Variants in GLCE observed in about 807,000 individuals in gnomAD.
GLCE encodes the protein glucuronic acid epimerase, also known as D-glucuronyl C5-epimerase.
GLCE carries 19 observed loss-of-function variants against 47.9 expected under a neutral mutation model. The ratio of observed to expected loss-of-function variants is 0.40; its 90% CI spans 0.28 to 0.58. GLCE has a LOEUF of 0.58. Ranked by LOEUF, GLCE falls within the 20% of genes least tolerant of loss-of-function variation. The probability of loss-of-function intolerance (pLI) is 0.48; values close to 1 mark genes in which losing one functional copy is unlikely to be tolerated. For missense variants in GLCE, 556 were observed against 743.3 expected, an observed-to-expected ratio of 0.75 and a Z score of 2.93; for synonymous variants, 245 against 263.4, an observed-to-expected ratio of 0.93 and a Z score of 0.68.
At chr15:69,263,081 G>A (rs1054361814) in intron 4 of GLCE, among the ~76,000 whole-genome samples, 4 of 151,978 alleles carry the variant, frequency 2.6e-5, no homozygotes, top group Admixed American at 6.6e-5. Flanking sequence ...TTCCACTTGT[G>A]GCATCATGTT....
chr15:69,255,148 G>C (rs1229162675), intron 2 of GLCE, among the ~76,000 whole-genome samples: 1 of 152,200 alleles, frequency 6.6e-6, no homozygotes, highest in South Asian at 2.1e-4. Context: ...GGATGTTGGT[G>C]TTTACCTTGA....
At chr15:69,194,981 T>C (rs1458308286) in intron 1 of GLCE, among the ~76,000 whole-genome samples, 2 of 152,152 alleles carry the variant, frequency 1.3e-5, no homozygotes, top group Non-Finnish European at 2.9e-5. Context: ...AATAGTGAAC[T>C]TGGATTCAAA....
At chr15:69,227,240 C>T (rs2052462638) in intron 2 of GLCE, among the ~76,000 whole-genome samples, 1 of 152,138 alleles carries the variant, frequency 6.6e-6, no homozygotes. Context: ...ATATTTGTTA[C>T]AGCCCCAGGC....
chr15:69,241,150 G>T (rs1311182899), intron 2 of GLCE, among the ~76,000 whole-genome samples: 1 of 152,166 alleles, frequency 6.6e-6, no homozygotes, highest in Non-Finnish European at 1.5e-5. Context: ...CACAAGGAAA[G>T]AAAAGATGGA....
chr15:69,210,493 G>A (rs1439554630), intron 2 of GLCE, 87 bp downstream of exon 2: 1 of 151,992 alleles, frequency 6.6e-6, no homozygotes, highest in Non-Finnish European at 1.5e-5. Flanking sequence ...TTTGATTAAG[G>A]TAAGATTGTT....
intron 2 of GLCE, among the ~76,000 whole-genome samples, chr15:69,213,205 A>G (rs1332318190): frequency 6.6e-6 from 1 of 152,110 alleles, no homozygotes; most frequent in Non-Finnish European, 1.5e-5. Flanking sequence ...TAACCATGGT[A>G]TAATGATCAG....
intron 3 of GLCE, among the ~76,000 whole-genome samples, chr15:69,258,864 C>T (rs930436276): frequency 6.6e-6 from 1 of 152,146 alleles, no homozygotes; most frequent in Non-Finnish European, 1.5e-5. Flanking sequence ...ATAAATGTTA[C>T]AGATTTTCAT....
chr15:69,243,227 G>C (rs1426949371), intron 2 of GLCE, among the ~76,000 whole-genome samples: 1 of 152,072 alleles, frequency 6.6e-6, no homozygotes, highest in Non-Finnish European at 1.5e-5. Context: ...TTCCACACCT[G>C]AGCTAATAGA....
intron 1 of GLCE, among the ~76,000 whole-genome samples, chr15:69,206,669 C>G (rs2052156760): frequency 1.3e-5 from 2 of 151,750 alleles, no homozygotes; most frequent in African/African-American, 4.8e-5. Flanking sequence ...TGAATACTTC[C>G]TTAATTTCTG....
At chr15:69,171,649 AC>A (rs927838468) in intron 1 of GLCE, among the ~76,000 whole-genome samples, 2 of 151,606 alleles carry the variant, frequency 1.3e-5, no homozygotes, top group African/African-American at 4.9e-5. Flanking sequence ...ACCCACCTTG[AC>A]CTCCCAAAGT....
In GLCE at chr15:69,268,992, A is replaced by G; in HGVS notation, c.1602A>G (p.Ala534=). 6.2e-7 allele frequency: 1 copy of G among 1,614,218 alleles called. No individual in the cohort carries two copies. The highest frequency in any genetic ancestry group is 1.3e-5 in the African/African-American group (1 of 75,064). ...CAGGGGAAAAACTCGGAAAAGAAGC[A>G]AGGTCCTTGTATGAGCGTGGCATGG... The part of the protein sequence containing the change: ...ETAGEKLGKE[A]RSLYERGMES... Residue 534 remains alanine, a synonymous_variant, in exon 5 of 5, where the codon GCA becomes GCG. Coordinates refer to ENST00000261858, the MANE Select transcript of GLCE (RefSeq NM_015554.3).
intron 2 of GLCE, among the ~76,000 whole-genome samples, chr15:69,230,165 G>A (rs2052502608): frequency 6.6e-6 from 1 of 150,840 alleles, no homozygotes; most frequent in Admixed American, 6.6e-5. Flanking sequence ...CCAAGATCGC[G>A]CCATTGTACT....
At chr15:69,263,339 C>A (rs145142372) in intron 4 of GLCE, among the ~76,000 whole-genome samples, 112 of 151,996 alleles carry the variant, frequency 7.4e-4, no homozygotes, top group African/African-American at 2.6e-3. Flanking sequence ...CAGAGAATCA[C>A]CATTAAGAGG....
rs116934287 is a variant in GLCE, at chr15:69,200,571, G to T, written c.-104-9745G>T. Among the ~76,000 whole-genome samples, 789 of 152,266 alleles carry T rather than the reference G, an allele frequency of 5.2e-3. 4 individuals are homozygous for T. Among genetic ancestry groups the T allele is most frequent in the Non-Finnish European group, 8.9e-3 (607 of 68,010 alleles). ...ACAAGGTCTTTCTTTGATAATGACA[G>T]ATGTAGGGAATATGAAGCAGAAGAG... On this transcript the variant is annotated intron_variant, in intron 1 of 4. Coordinates refer to ENST00000261858, the MANE Select transcript of GLCE (RefSeq NM_015554.3).
At chr15:69,226,800 A>G (rs1261021069) in intron 2 of GLCE, among the ~76,000 whole-genome samples, 1 of 118,492 alleles carries the variant, frequency 8.4e-6, no homozygotes, top group Non-Finnish European at 1.6e-5. Context: ...GCTGGAGTGC[A>G]GTGGCGTGAT....
chr15:69,269,097 C>T lies in GLCE; in HGVS notation c.1707C>T (p.Ile569=), dbSNP rs779781921. The T allele has an allele frequency of 1.1e-5, 18 of 1,614,128 alleles. No homozygotes were observed. Among genetic ancestry groups the T allele is most frequent in the Non-Finnish European group, 1.4e-5 (16 of 1,180,000 alleles). Residue 569 remains isoleucine, a synonymous_variant, in exon 5 of 5, where the codon ATC becomes ATT. Coordinates refer to ENST00000261858, the MANE Select transcript of GLCE (RefSeq NM_015554.3). ...IYDLRHFMLG[I]APNLARWDYH... is the part of the protein sequence containing the mutation. ...ACCTCCGTCACTTCATGCTTGGCAT[C>T]GCTCCTAACCTGGCTCGCTGGGACT...
chr15:69,262,413 G>C (rs987941755), intron 4 of GLCE, among the ~76,000 whole-genome samples: 3 of 152,214 alleles, frequency 2.0e-5, no homozygotes, highest in African/African-American at 7.2e-5. Flanking sequence ...TGATACCTAA[G>C]AGGTTATTGC....
chr15:69,215,182 C>A (rs1247090421), intron 2 of GLCE, among the ~76,000 whole-genome samples: 1 of 152,016 alleles, frequency 6.6e-6, no homozygotes, highest in African/African-American at 2.4e-5. Context: ...GTTCTGTGAC[C>A]ACCCCCGCAC....
intron 2 of GLCE, among the ~76,000 whole-genome samples, chr15:69,227,956 G>A (rs1209802174): frequency 1.3e-5 from 2 of 152,186 alleles, no homozygotes; most frequent in Non-Finnish European, 2.9e-5. Flanking sequence ...AGTTATTAGA[G>A]TACTGAAAAT....
Sources: gnomAD v4.1 joint callset for allele counts (sites outside exome capture counted in the v4.1 genomes callset) on GRCh38, gnomAD v4.1.1 for gene constraint, MANE v1.5 for transcripts, NCBI Gene and HGNC (gene_info 2026-07-23, HGNC 2026-07-21) for gene names.